Variants in EPB41L5 observed in about 807,000 individuals in gnomAD.
The protein encoded by EPB41L5 is erythrocyte membrane protein band 4.1 like 5.
A neutral mutation model predicts 106.6 loss-of-function variants in EPB41L5; 55 were observed. The observed-to-expected ratio is 0.52, with a 90% CI of 0.42 to 0.65. The LOEUF (loss-of-function observed/expected upper bound fraction) is 0.65, where lower values mean the gene tolerates loss of function less well. Ranked by LOEUF, EPB41L5 falls within the 30% of genes least tolerant of loss-of-function variation. The probability of loss-of-function intolerance (pLI) is 0.00; values close to 1 mark genes in which losing one functional copy is unlikely to be tolerated. For synonymous variants in EPB41L5, 297 were observed against 306.7 expected (o/e 0.97, Z 0.33); for missense variants, 871 against 882.1 (o/e 0.99, Z 0.16).
intron 2 of EPB41L5, among the ~76,000 whole-genome samples, 190 bp downstream of exon 2, chr2:120,019,454 T>A (rs1462691984): frequency 6.6e-6 from 1 of 152,204 alleles, no homozygotes; most frequent in Admixed American, 6.5e-5. Flanking sequence ...GGATTGGTGG[T>A]ATTTCTCTTT....
Position 120,065,161 on chromosome 2 carries a change from C to T in EPB41L5, c.286-8017C>T, listed in dbSNP as rs1393242195. Among the ~76,000 whole-genome samples the T allele has an allele frequency of 3.9e-5, 6 of 152,044 alleles. No homozygotes were observed. The South Asian group carries it at 1.2e-3, about 32-fold the overall frequency. On this transcript the variant is annotated intron_variant, in intron 3 of 24. Coordinates refer to ENST00000263713, the MANE Select transcript of EPB41L5 (RefSeq NM_020909.4). ...AGAGATGGGGTCTTGTTCTGTCGCC[C>T]AGGCTGGAGTACAGTATCATAGTTC...
chr2:120,084,313 A>G (rs1682905599), intron 10 of EPB41L5, among the ~76,000 whole-genome samples: 1 of 152,290 alleles, frequency 6.6e-6, no homozygotes, highest in Non-Finnish European at 1.5e-5. Context: ...CTTGTAAGGC[A>G]TGCCTCGTGG....
At chr2:120,040,986 C>A (rs1238625655) in intron 2 of EPB41L5, among the ~76,000 whole-genome samples, 1 of 151,938 alleles carries the variant, frequency 6.6e-6, no homozygotes, top group Non-Finnish European at 1.5e-5. Context: ...AATTGAGGAT[C>A]CCAACAATGC....
At chr2:120,020,222 A>G (rs981439483) in intron 2 of EPB41L5, among the ~76,000 whole-genome samples, 21 of 152,192 alleles carry the variant, frequency 1.4e-4, no homozygotes, top group African/African-American at 5.1e-4. Flanking sequence ...CCAAAATTCA[A>G]TTTAAAAAGT....
At chr2:120,153,931 A>T (rs1276231146) in intron 20 of EPB41L5, among the ~76,000 whole-genome samples, 4 of 152,126 alleles carry the variant, frequency 2.6e-5, no homozygotes, top group Admixed American at 1.3e-4. Context: ...GGATCATTTT[A>T]AAAAATTCTT....
At chr2:120,076,470 CTTTTTTTTTTTTTT>C (rs35333671) in intron 7 of EPB41L5, among the ~76,000 whole-genome samples, 4 of 58,898 alleles carry the variant, frequency 6.8e-5, no homozygotes, top group African/African-American at 3.1e-4. Context: ...AATTTTTGTA[CTTTTTTTTTTTTTT>C]TTTTTTTTTT....
intron 16 of EPB41L5, among the ~76,000 whole-genome samples, chr2:120,116,533 G>A (rs1405828206): frequency 6.6e-6 from 1 of 151,974 alleles, no homozygotes; most frequent in Non-Finnish European, 1.5e-5. Context: ...ATGGCGTTTT[G>A]TTTTTTGAGA....
At position 120,164,925 on chromosome 2, in the gene EPB41L5, A is replaced by G; in HGVS notation, c.1962+15A>G. 1 of 1,565,864 alleles carries G rather than the reference A, an allele frequency of 6.4e-7. No individual in the cohort carries two copies. Among genetic ancestry groups the G allele is most frequent in the Non-Finnish European group, 8.7e-7 (1 of 1,150,102 alleles). On this transcript the variant is annotated intron_variant, in intron 22 of 24. Transcript: ENST00000263713. ...TTGCACCTCAGGTAAATATGCTTTA[A>G]AATAGTATGATGGAAAGAAATTTCT...
chr2:120,167,440 AATAC>A (rs1255026495), intron 22 of EPB41L5, 22 bp from the exon 23 acceptor site: 1 of 1,599,798 alleles, frequency 6.3e-7, no homozygotes, highest in Admixed American at 1.7e-5. Flanking sequence ...CCAAAAAGTA[AATAC>A]ATACATATAA....
intron 16 of EPB41L5, among the ~76,000 whole-genome samples, chr2:120,110,919 G>A (rs1684701730): frequency 6.6e-6 from 1 of 152,110 alleles, no homozygotes; most frequent in African/African-American, 2.4e-5. Context: ...TGGGATTACA[G>A]GTGTGAGCCA....
At chr2:120,120,936 C>T (rs1685190915) in intron 16 of EPB41L5, among the ~76,000 whole-genome samples, 1 of 152,088 alleles carries the variant, frequency 6.6e-6, no homozygotes, top group Admixed American at 6.6e-5. Flanking sequence ...GCCAACATGG[C>T]GAAACCCCGT....
At chr2:120,100,980 G>A (rs1426178508) in intron 16 of EPB41L5, among the ~76,000 whole-genome samples, 166 bp downstream of exon 16, 1 of 152,188 alleles carries the variant, frequency 6.6e-6, no homozygotes, top group African/African-American at 2.4e-5. Context: ...GGAAAATAAG[G>A]ATGTTGGTGA....
intron 11 of EPB41L5, among the ~76,000 whole-genome samples, chr2:120,088,048 GA>G (rs148848695): frequency 0.022 from 3,318 of 152,260 alleles, 117 homozygotes; most frequent in African/African-American, 0.075. Flanking sequence ...TATGCATACA[GA>G]TACAGATAAA....
intron 10 of EPB41L5, among the ~76,000 whole-genome samples, chr2:120,081,063 T>A (rs1419641560): frequency 6.6e-6 from 1 of 152,172 alleles, no homozygotes; most frequent in East Asian, 1.9e-4. Flanking sequence ...GTAGGTTGCC[T>A]GTTCACTCTG....
intron 10 of EPB41L5, among the ~76,000 whole-genome samples, chr2:120,079,650 C>A (rs572240970): frequency 1.1e-3 from 175 of 152,326 alleles, no homozygotes; most frequent in African/African-American, 4.0e-3. Context: ...CTGGAACTCA[C>A]AACTGGTATT....
At chr2:120,087,325 T>A in intron 11 of EPB41L5, 85 bp downstream of exon 11, 1 of 808,598 alleles carries the variant, frequency 1.2e-6, no homozygotes, top group Non-Finnish European at 2.0e-6. Context: ...GGAATGTACC[T>A]CATTGTTTTA....
intron 21 of EPB41L5, among the ~76,000 whole-genome samples, chr2:120,164,603 A>G (rs982340763): frequency 1.3e-5 from 2 of 152,212 alleles, no homozygotes; most frequent in Non-Finnish European, 2.9e-5. Flanking sequence ...GAGAATAGCT[A>G]TTTGAAAATT....
At chr2:120,061,692 G>C (rs1343100786) in intron 3 of EPB41L5, among the ~76,000 whole-genome samples, 1 of 152,124 alleles carries the variant, frequency 6.6e-6, no homozygotes, top group Non-Finnish European at 1.5e-5. Flanking sequence ...TTAGTTAGAT[G>C]GTAGGTATCA....
intron 3 of EPB41L5, among the ~76,000 whole-genome samples, chr2:120,071,137 A>G (rs980993397): frequency 2.0e-5 from 3 of 152,226 alleles, no homozygotes; most frequent in East Asian, 3.8e-4. Flanking sequence ...AACTTCAGCA[A>G]AGTCTCAGGA....
Sources: allele counts gnomAD v4.1 joint callset (sites outside exome capture counted in the v4.1 genomes callset), GRCh38; gene constraint gnomAD v4.1.1; transcripts MANE v1.5; gene names NCBI Gene and HGNC (gene_info 2026-07-23, HGNC 2026-07-21).